Variants in PRKD1 observed in about 807,000 individuals in gnomAD.
PRKD1 encodes serine/threonine-protein kinase D1.
A neutral mutation model predicts 95.9 loss-of-function variants in PRKD1; 63 were observed. The ratio of observed to expected loss-of-function variants is 0.66; its 90% CI spans 0.54 to 0.81. PRKD1 has a LOEUF of 0.81. Among genes scored for constraint, PRKD1 ranks in the 30% least tolerant of loss-of-function variants. The pLI, the probability that PRKD1 is intolerant of heterozygous loss-of-function variation, is 0.00. For synonymous variants in PRKD1, 425 were observed against 423.1 expected, an observed-to-expected ratio of 1.00 and a Z score of -0.05; for missense variants, 1,048 against 1,165.3, an observed-to-expected ratio of 0.90 and a Z score of 1.47.
intron 2 of PRKD1, among the ~76,000 whole-genome samples, chr14:29,698,962 G>A (rs935422360): frequency 4.6e-5 from 7 of 152,036 alleles, no homozygotes; most frequent in South Asian, 2.1e-4. Context: ...GCGATCCACC[G>A]AATACAGTCT....
chr14:29,868,444 C>T (rs914826894), intron 1 of PRKD1, among the ~76,000 whole-genome samples: 1 of 152,168 alleles, frequency 6.6e-6, no homozygotes, highest in Non-Finnish European at 1.5e-5. Flanking sequence ...AACCTATACA[C>T]TGATTTCAAG....
intron 1 of PRKD1, among the ~76,000 whole-genome samples, chr14:29,888,217 T>C (rs761757214): frequency 3.2e-4 from 48 of 151,558 alleles, no homozygotes; most frequent in Non-Finnish European, 5.0e-4. Flanking sequence ...GGTGGGAGGA[T>C]CACTTAAGCC....
At chr14:29,667,940 TTTTC>T (rs1882617079) in intron 2 of PRKD1, among the ~76,000 whole-genome samples, 1 of 152,118 alleles carries the variant, frequency 6.6e-6, no homozygotes, top group Admixed American at 6.6e-5. Flanking sequence ...TGTTTTTTTT[TTTTC>T]TTTCATTTTT....
intron 1 of PRKD1, among the ~76,000 whole-genome samples, chr14:29,787,544 C>T (rs1383503276): frequency 1.3e-5 from 2 of 151,972 alleles, no homozygotes; most frequent in Non-Finnish European, 2.9e-5. Context: ...AACTGTTATA[C>T]CCTCACGCAG....
At chr14:29,715,687 C>G (rs998962183) in intron 2 of PRKD1, among the ~76,000 whole-genome samples, 1 of 152,156 alleles carries the variant, frequency 6.6e-6, no homozygotes, top group Non-Finnish European at 1.5e-5. Context: ...ATCCTATCAC[C>G]TCTTTATTAA....
At chr14:29,882,582 T>G (rs140518428) in intron 1 of PRKD1, among the ~76,000 whole-genome samples, 2 of 152,326 alleles carry the variant, frequency 1.3e-5, no homozygotes, top group African/African-American at 4.8e-5. Flanking sequence ...GTTAAGTGTA[T>G]TCACAGTGCT....
At chr14:29,741,353 C>A (rs921288822) in intron 1 of PRKD1, among the ~76,000 whole-genome samples, 2 of 152,024 alleles carry the variant, frequency 1.3e-5, no homozygotes, top group Non-Finnish European at 2.9e-5. Context: ...ATATTTTACA[C>A]GTTTAGGTAT....
At chr14:29,613,892 G>A (rs1445123528) in intron 13 of PRKD1, among the ~76,000 whole-genome samples, 5 of 152,162 alleles carry the variant, frequency 3.3e-5, no homozygotes, top group African/African-American at 1.2e-4. Flanking sequence ...GCACAGAGAT[G>A]GTTTTAAGAA....
intron 4 of PRKD1, among the ~76,000 whole-genome samples, chr14:29,660,514 A>T (rs1466194608): frequency 1.3e-5 from 2 of 152,138 alleles, no homozygotes; most frequent in East Asian, 3.9e-4. Context: ...GCCTTCAAAT[A>T]GTGTTTTGTT....
intron 13 of PRKD1, among the ~76,000 whole-genome samples, chr14:29,617,132 TC>T (rs1415244932): frequency 3.9e-5 from 6 of 152,196 alleles, no homozygotes; most frequent in Non-Finnish European, 7.3e-5. Context: ...AGACATGATT[TC>T]CCTTTTTTAT....
intron 2 of PRKD1, among the ~76,000 whole-genome samples, chr14:29,707,952 A>G (rs1290229522): frequency 6.6e-6 from 1 of 152,100 alleles, no homozygotes; most frequent in African/African-American, 2.4e-5. Flanking sequence ...TGACATATCA[A>G]TCTTCATTAA....
chr14:29,623,560 T>C (rs889483013), intron 13 of PRKD1, among the ~76,000 whole-genome samples: 2 of 152,192 alleles, frequency 1.3e-5, no homozygotes, highest in African/African-American at 4.8e-5. Context: ...TATTTCCCTT[T>C]GGTCTGCAAA....
intron 16 of PRKD1, among the ~76,000 whole-genome samples, chr14:29,583,913 T>C (rs1442047173): frequency 1.3e-5 from 2 of 152,206 alleles, no homozygotes; most frequent in Non-Finnish European, 2.9e-5. Flanking sequence ...TAACTTCCTG[T>C]ACAGCATTTT....
At chr14:29,782,269 A>C (rs1889080740) in intron 1 of PRKD1, among the ~76,000 whole-genome samples, 1 of 152,272 alleles carries the variant, frequency 6.6e-6, no homozygotes, top group Admixed American at 6.5e-5. Flanking sequence ...CACTTTCATT[A>C]GTTAAGTTCC....
intron 2 of PRKD1, among the ~76,000 whole-genome samples, chr14:29,672,861 G>C (rs905112741): frequency 2.6e-5 from 4 of 151,504 alleles, no homozygotes; most frequent in Non-Finnish European, 5.9e-5. Flanking sequence ...AATTAAGAAA[G>C]TTAACATGTA....
At chr14:29,871,312 A>G (rs2139377783) in intron 1 of PRKD1, among the ~76,000 whole-genome samples, 1 of 152,372 alleles carries the variant, frequency 6.6e-6, no homozygotes, top group East Asian at 1.9e-4. Flanking sequence ...TACAAAAGTG[A>G]TAATATAATT....
chr14:29,858,465 T>C (rs1255132846), intron 1 of PRKD1, among the ~76,000 whole-genome samples: 1 of 152,156 alleles, frequency 6.6e-6, no homozygotes, highest in Non-Finnish European at 1.5e-5. Context: ...ATGCTCCAGT[T>C]CCCTCCCTCG....
intron 4 of PRKD1, among the ~76,000 whole-genome samples, chr14:29,653,134 T>C (rs1229371456): frequency 1.3e-5 from 2 of 152,294 alleles, no homozygotes; most frequent in South Asian, 2.1e-4. Flanking sequence ...ATGAAAATAA[T>C]AGCAGTTTAT....
At chr14:29,721,044 T>C (rs1200536088) in intron 2 of PRKD1, among the ~76,000 whole-genome samples, 1 of 152,182 alleles carries the variant, frequency 6.6e-6, no homozygotes, top group East Asian at 1.9e-4. Context: ...TCCTCCTTCA[T>C]CAACTACATC....
Sources: allele counts gnomAD v4.1 joint callset (sites outside exome capture counted in the v4.1 genomes callset), GRCh38; gene constraint gnomAD v4.1.1; transcripts MANE v1.5; gene names NCBI Gene and HGNC (gene_info 2026-07-23, HGNC 2026-07-21).